Variants in PTPRD observed in about 807,000 individuals in gnomAD.
The protein encoded by PTPRD is receptor-type tyrosine-protein phosphatase delta.
Under a neutral mutation model 214.5 loss-of-function variants are expected in PTPRD, and 34 were observed. The ratio of observed to expected loss-of-function variants is 0.16; its 90% CI spans 0.12 to 0.21. PTPRD has a LOEUF of 0.21. PTPRD is among the 10% of genes least tolerant of loss of function. PTPRD has a pLI of 1.00. For synonymous variants in PTPRD, 1,128 were observed against 845.7 expected (o/e 1.33, Z -5.79); for missense variants, 2,545 against 2,398.7 (o/e 1.06, Z -1.27).
chr9:10,067,335 C>G (rs115713962), intron 3 of PTPRD, among the ~76,000 whole-genome samples: 25 of 151,862 alleles, frequency 1.6e-4, no homozygotes, highest in Non-Finnish European at 3.1e-4. Flanking sequence ...TATAATGGCA[C>G]GTGTTTCCAA....
At chr9:9,768,036 A>G (rs1408648655) in intron 5 of PTPRD, among the ~76,000 whole-genome samples, 4 of 152,210 alleles carry the variant, frequency 2.6e-5, no homozygotes, top group Non-Finnish European at 5.9e-5. Flanking sequence ...CTTAGATCAT[A>G]TAATAATTAG....
At chr9:9,614,202 T>C (rs2094712122) in intron 7 of PTPRD, among the ~76,000 whole-genome samples, 1 of 151,870 alleles carries the variant, frequency 6.6e-6, no homozygotes, top group African/African-American at 2.4e-5. Context: ...GATTACAAAG[T>C]GGTTAATTTT....
At chr9:9,691,049 G>A (rs1457432193) in intron 7 of PTPRD, among the ~76,000 whole-genome samples, 1 of 151,608 alleles carries the variant, frequency 6.6e-6, no homozygotes, top group African/African-American at 2.4e-5. Context: ...TATACTTATG[G>A]TGTACACGAG....
chr9:10,434,342 T>G (rs147012113), intron 2 of PTPRD, among the ~76,000 whole-genome samples: 19 of 151,972 alleles, frequency 1.3e-4, no homozygotes, highest in Non-Finnish European at 2.4e-4. Flanking sequence ...GATCAAAGAT[T>G]CCCGACTACA....
intron 3 of PTPRD, among the ~76,000 whole-genome samples, chr9:10,170,668 C>T (rs1272546879): frequency 6.6e-6 from 1 of 152,162 alleles, no homozygotes; most frequent in Non-Finnish European, 1.5e-5. Context: ...GCCTGGGCGA[C>T]AGAGCAAGAC....
At chr9:10,171,727 G>C (rs1461945168) in intron 3 of PTPRD, among the ~76,000 whole-genome samples, 4 of 152,068 alleles carry the variant, frequency 2.6e-5, no homozygotes, top group Admixed American at 6.5e-5. Context: ...GTTTCACTGT[G>C]TTAACCAGGA....
intron 3 of PTPRD, among the ~76,000 whole-genome samples, chr9:10,223,690 A>ATAC (rs377145851): frequency 2.1e-5 from 3 of 146,330 alleles, no homozygotes; most frequent in African/African-American, 7.4e-5. Flanking sequence ...AATAATAATA[A>ATAC]TAATAATAAT....
chr9:9,039,425 C>G (rs1383634158), intron 10 of PTPRD, among the ~76,000 whole-genome samples: 2 of 152,204 alleles, frequency 1.3e-5, no homozygotes, highest in African/African-American at 4.8e-5. Context: ...ACATACTTAT[C>G]TCGATGACTC....
intron 11 of PTPRD, among the ~76,000 whole-genome samples, chr9:8,911,131 A>T (rs2098744158): frequency 6.6e-6 from 1 of 152,236 alleles, no homozygotes; most frequent in African/African-American, 2.4e-5. Flanking sequence ...AATTTATATG[A>T]ATTCAAAGGA....
chr9:8,975,266 G>A (rs2099262089), intron 11 of PTPRD, among the ~76,000 whole-genome samples: 1 of 151,982 alleles, frequency 6.6e-6, no homozygotes, highest in Non-Finnish European at 1.5e-5. Context: ...AAATACTGAT[G>A]ATGTTATTGA....
intron 9 of PTPRD, among the ~76,000 whole-genome samples, chr9:9,248,535 G>C (rs2099974043): frequency 6.6e-6 from 1 of 152,040 alleles, no homozygotes; most frequent in Non-Finnish European, 1.5e-5. Context: ...ATATGAATTA[G>C]CACCCATCTG....
intron 11 of PTPRD, among the ~76,000 whole-genome samples, chr9:8,827,435 C>T (rs541590932): frequency 6.6e-6 from 1 of 152,092 alleles, no homozygotes; most frequent in Admixed American, 6.6e-5. Flanking sequence ...GGTGAAACCC[C>T]ATCTCTACTA....
At chr9:9,901,113 A>G (rs1215364396) in intron 5 of PTPRD, among the ~76,000 whole-genome samples, 1 of 152,148 alleles carries the variant, frequency 6.6e-6, no homozygotes, top group Non-Finnish European at 1.5e-5. Flanking sequence ...GTGGAGAGCA[A>G]AGCAGGTGCC....
At chr9:8,460,250 A>G (rs2096357765) in intron 33 of PTPRD, 161 bp downstream of exon 33, 5 of 882,092 alleles carry the variant, frequency 5.7e-6, no homozygotes, top group African/African-American at 1.7e-5. Flanking sequence ...CAGTCTTTAC[A>G]TTTTGATCTT....
In PTPRD at chr9:8,527,357, G is replaced by A; in HGVS notation, c.542-4C>T. The A allele has an allele frequency of 5.0e-6, 8 of 1,606,772 alleles. No homozygotes were observed. Among genetic ancestry groups the A allele is most frequent in the Non-Finnish European group, 6.8e-6 (8 of 1,176,480 alleles). On this transcript the variant is annotated splice_polypyrimidine_tract_variant and splice_region_variant and intron_variant, in intron 15 of 45. Coordinates refer to ENST00000381196, the MANE Select transcript of PTPRD (RefSeq NM_002839.4). The stretch of plus-strand genomic sequence containing the variant: ...ACTAAGCACTTACCAATAGATTCTG[G>A]AGATTTAAATACGGAGAGAAGAAAG...
At position 8,434,171 on chromosome 9, in the gene PTPRD, G is replaced by A. The variant is rs550691588; in HGVS notation, c.4086+2421C>T. Among the ~76,000 whole-genome samples, 160 of 152,198 alleles carry A rather than the reference G, an allele frequency of 1.1e-3. 1 individual carries two copies. Among genetic ancestry groups the A allele is most frequent in the African/African-American group, 3.7e-3 (152 of 41,538 alleles). On this transcript the variant is annotated intron_variant, in intron 35 of 45. Coordinates refer to ENST00000381196, the MANE Select transcript of PTPRD (RefSeq NM_002839.4). ...CTAATTTTGTATTTTTAGTAGAGAC[G>A]GGGTTTCACCATGTTGACCAGGCTG...
At position 8,929,757 on chromosome 9, in the gene PTPRD, G is replaced by GTGTATATATATGTGTA. The variant is rs761452912; in HGVS notation, c.-104+88939_-104+88940insTACACATATATATACA. Among the ~76,000 whole-genome samples the GTGTATATATATGTGTA allele has an allele frequency of 1.3e-3, 73 of 56,580 alleles. 2 individuals carry two copies. Among genetic ancestry groups the GTGTATATATATGTGTA allele is most frequent in the African/African-American group, 5.2e-3 (68 of 13,002 alleles). 37.1% of individuals were successfully genotyped at this position (56,580 alleles called of 152,430 possible). On this transcript the variant is annotated intron_variant, in intron 11 of 45. Transcript: ENST00000381196. ...TGTATATATATGTGTATATATATAT[G>GTGTATATATATGTGTA]TATATATATGTGTATATATATGGGT...
At chr9:8,703,889 T>C (rs980919476) in intron 12 of PTPRD, among the ~76,000 whole-genome samples, 2 of 152,184 alleles carry the variant, frequency 1.3e-5, no homozygotes, top group African/African-American at 2.4e-5. Context: ...TGATTCTCCA[T>C]TCAAGCCAAA....
chr9:8,321,485 GTGTATATATA>G lies in PTPRD; in HGVS notation c.5535-1529_5535-1520del, dbSNP rs1297051437. ...TTTGTGTGTGTGTGTGTGTGTGTGTGTGTATATATATATATATATATATATATATATATAT... is the reference window on the plus strand; with the variant it reads ...TTTGTGTGTGTGTGTGTGTGTGTGTGTATATATATATATATATATATATAT... On this transcript the variant is annotated intron_variant, in intron 44 of 45. Coordinates refer to ENST00000381196, the MANE Select transcript of PTPRD (RefSeq NM_002839.4). 2.7e-3 allele frequency among the ~76,000 whole-genome samples: 124 copies of G among 45,390 alleles called. 2 individuals carry two copies. Among genetic ancestry groups the G allele is most frequent in the African/African-American group, 0.015 (115 of 7,806 alleles). The allele number at this position is 45,390 out of a possible 152,430, so 29.8% of individuals were successfully genotyped here.
Sources: allele counts gnomAD v4.1 joint callset (sites outside exome capture counted in the v4.1 genomes callset), GRCh38; gene constraint gnomAD v4.1.1; transcripts MANE v1.5; gene names NCBI Gene and HGNC (gene_info 2026-07-23, HGNC 2026-07-21).